Variants in VIPAS39 observed in about 807,000 individuals in gnomAD.
The protein encoded by VIPAS39 is VPS33B interacting protein, apical-basolateral polarity regulator, spe-39 homolog, also known as spermatogenesis-defective protein 39 homolog.
A neutral mutation model predicts 84.7 loss-of-function variants in VIPAS39; 63 were observed. That is an observed-to-expected ratio of 0.74 (90% CI 0.61 to 0.92). The LOEUF (loss-of-function observed/expected upper bound fraction) is 0.92. Among genes scored for constraint, VIPAS39 ranks in the 40% least tolerant of loss-of-function variants. The pLI, the probability that VIPAS39 is intolerant of heterozygous loss-of-function variation, is 0.00. For synonymous variants in VIPAS39, 192 were observed against 216.5 expected, an observed-to-expected ratio of 0.89 and a Z score of 0.99; for missense variants, 499 against 604.5, an observed-to-expected ratio of 0.83 and a Z score of 1.83.
intron 10 of VIPAS39, 52 bp downstream of exon 10, chr14:77,442,508 G>T: frequency 6.9e-7 from 1 of 1,447,630 alleles, no homozygotes; most frequent in Non-Finnish European, 9.7e-7. Flanking sequence ...CCCTCAGAGT[G>T]CTTTGAAACA....
chr14:77,445,701 G>A (rs757398365), intron 7 of VIPAS39, among the ~76,000 whole-genome samples: 4 of 152,122 alleles, frequency 2.6e-5, no homozygotes, highest in Non-Finnish European at 5.9e-5. Flanking sequence ...CACTTTGGGA[G>A]GCCAAGGCAG....
rs778107170 is a variant in VIPAS39, at chr14:77,434,238, T to C, written c.1089+24A>G. The stretch of plus-strand genomic sequence containing the variant: ...GTAGTTACCCTGATCACTAGTTTCA[T>C]AACACTGACCAATTTGTATCTACCT... On this transcript the variant is annotated intron_variant, in intron 15 of 19. Transcript: ENST00000557658. 4.3e-6 allele frequency: 7 copies of C among 1,611,628 alleles called. No homozygotes were observed. The Admixed American group carries it at 1.2e-4, about 27-fold the overall frequency.
chr14:77,431,184 G>A lies in VIPAS39; in HGVS notation c.1180-1417C>T, dbSNP rs74366544. On this transcript the variant is annotated intron_variant, in intron 16 of 19. Transcript: ENST00000557658. ...TCAGGCTACAAAAGCAAAAATAAATGGGATTACATCAAACTAAAAAGCTGC... is the reference window on the plus strand; with the variant it reads ...TCAGGCTACAAAAGCAAAAATAAATAGGATTACATCAAACTAAAAAGCTGC... Among the ~76,000 whole-genome samples the A allele has an allele frequency of 5.3e-3, 806 of 152,154 alleles. 5 individuals are homozygous for A. The highest frequency in any genetic ancestry group is 0.019 in the African/African-American group (779 of 41,506).
chr14:77,438,205 T>C (rs1490732756), intron 11 of VIPAS39, among the ~76,000 whole-genome samples: 1 of 151,618 alleles, frequency 6.6e-6, no homozygotes, highest in Non-Finnish European at 1.5e-5. Context: ...GCTACTATAT[T>C]GGACAACACA....
chr14:77,429,141 G>A, intron 17 of VIPAS39, 46 bp from the exon 18 acceptor site: 1 of 1,542,998 alleles, frequency 6.5e-7, no homozygotes, highest in Middle Eastern at 1.7e-4. Flanking sequence ...CACCCATAAG[G>A]CACAGAGCTC....
chr14:77,453,912 G>C, intron 2 of VIPAS39, 98 bp downstream of exon 2: 1 of 1,098,372 alleles, frequency 9.1e-7, no homozygotes, highest in Non-Finnish European at 1.4e-6. Flanking sequence ...GCCTAATGAA[G>C]ACATACATGG....
At chr14:77,446,872 C>T (rs1286114699) in intron 7 of VIPAS39, among the ~76,000 whole-genome samples, 1 of 152,022 alleles carries the variant, frequency 6.6e-6, no homozygotes, top group African/African-American at 2.4e-5. Context: ...AATGGAGTGG[C>T]ACAATCTCGG....
intron 11 of VIPAS39, among the ~76,000 whole-genome samples, chr14:77,438,629 T>C (rs2078653542): frequency 6.6e-6 from 1 of 152,262 alleles, no homozygotes. Context: ...ACCTTTAAGT[T>C]TCACTTTAGC....
intron 15 of VIPAS39, 65 bp downstream of exon 15, chr14:77,434,197 G>T: frequency 6.7e-7 from 1 of 1,502,330 alleles, no homozygotes; most frequent in Non-Finnish European, 9.3e-7. Flanking sequence ...GGGTTACAAA[G>T]CAACATCCAC....
At chr14:77,428,877 C>G (rs1594889804) in intron 18 of VIPAS39, 129 bp downstream of exon 18, 1 of 826,878 alleles carries the variant, frequency 1.2e-6, no homozygotes, top group East Asian at 2.5e-5. Context: ...AAACTCTTGC[C>G]AGATTATTCT....
At chr14:77,440,991 T>G in intron 11 of VIPAS39, 75 bp downstream of exon 11, 1 of 1,583,330 alleles carries the variant, frequency 6.3e-7, no homozygotes, top group South Asian at 1.1e-5. Flanking sequence ...GTGCTGGGAT[T>G]ACAGGCGTGA....
At chr14:77,434,645 C>G (rs1305784617) in intron 14 of VIPAS39, among the ~76,000 whole-genome samples, 1 of 151,964 alleles carries the variant, frequency 6.6e-6, no homozygotes, top group African/African-American at 2.4e-5. Flanking sequence ...ATAATCCCAG[C>G]ACTTTGGGAG....
chr14:77,443,068 G>A (rs377483984), intron 9 of VIPAS39, 51 bp downstream of exon 9: 63 of 1,611,282 alleles, frequency 3.9e-5, no homozygotes, highest in Admixed American at 5.0e-5. Flanking sequence ...TTCTCCCCTC[G>A]AATGTGGCAG....
At chr14:77,451,500 C>A (rs2078880918) in intron 3 of VIPAS39, among the ~76,000 whole-genome samples, 167 bp from the exon 4 acceptor site, 1 of 152,166 alleles carries the variant, frequency 6.6e-6, no homozygotes, top group African/African-American at 2.4e-5. Flanking sequence ...GAAAAATGGA[C>A]CAAGGACATG....
rs76008250 is a variant in VIPAS39, at chr14:77,457,090, C to G, written c.-1+405G>C. 5.7e-3 allele frequency: 8,037 copies of G among 1,400,484 alleles called. 391 individuals are homozygous for G. In the African/African-American group the frequency reaches 0.1, roughly 18 times the overall value. The allele number at this position is 1,400,484 out of a possible 1,614,324, so 86.8% of individuals were successfully genotyped here. ...CTGCCTCAGAAAACTCCAAAAACCA[C>G]CTACTGAGAAGTCAGACTTGGTTTC... On this transcript the variant is annotated intron_variant, in intron 1 of 19. Transcript: ENST00000557658.
chr14:77,442,970 T>C, intron 9 of VIPAS39, 149 bp downstream of exon 9: 1 of 1,035,812 alleles, frequency 9.7e-7, no homozygotes, highest in Non-Finnish European at 1.5e-6. Flanking sequence ...CCCTCAGAGA[T>C]GTGATTTGTG....
At chr14:77,440,919 T>A in intron 11 of VIPAS39, 147 bp downstream of exon 11, 1 of 867,934 alleles carries the variant, frequency 1.2e-6, no homozygotes, top group Non-Finnish European at 1.9e-6. Context: ...GGTTTCACCA[T>A]GTTGGCCAGG....
At chr14:77,455,768 AG>A (rs1456828125) in intron 1 of VIPAS39, among the ~76,000 whole-genome samples, 1 of 152,190 alleles carries the variant, frequency 6.6e-6, no homozygotes, top group African/African-American at 2.4e-5. Flanking sequence ...TTTTCAACTC[AG>A]GGGATATAGG....
At chr14:77,429,266 C>T (rs2078481530) in intron 17 of VIPAS39, among the ~76,000 whole-genome samples, 171 bp from the exon 18 acceptor site, 1 of 152,224 alleles carries the variant, frequency 6.6e-6, no homozygotes, top group Non-Finnish European at 1.5e-5. Flanking sequence ...TAACGCTACA[C>T]AGTACTTCCA....
Sources: gnomAD v4.1 joint callset for allele counts (sites outside exome capture counted in the v4.1 genomes callset) on GRCh38, gnomAD v4.1.1 for gene constraint, MANE v1.5 for transcripts, NCBI Gene and HGNC (gene_info 2026-07-23, HGNC 2026-07-21) for gene names.